BRCA1: variants seen among roughly 807,000 people sequenced by gnomAD.
BRCA1 encodes BRCA1 DNA repair associated.
In BRCA1, 140 loss-of-function variants were observed where a neutral mutation model predicts 173.7. That is an observed-to-expected ratio of 0.81 (90% CI 0.70 to 0.93). BRCA1 has a LOEUF of 0.93. Among genes scored for constraint, BRCA1 ranks in the 40% least tolerant of loss-of-function variants. BRCA1 has a pLI of 0.00. For synonymous variants in BRCA1, 662 were observed against 756.0 expected (o/e 0.88, Z 2.04); for missense variants, 1,983 against 2,172.5 (o/e 0.91, Z 1.73).
intron 11 of BRCA1, 49 bp downstream of exon 11, chr17:43,090,895 G>C (rs2154248998): frequency 6.7e-7 from 1 of 1,503,100 alleles, no homozygotes; most frequent in Non-Finnish European, 9.1e-7. Context: ...ACTACTGAAT[G>C]CAAAGGACAC....
At chr17:43,157,199 G>A (rs2056202732) in intron 1 of BRCA1, among the ~76,000 whole-genome samples, 1 of 152,144 alleles carries the variant, frequency 6.6e-6, no homozygotes, top group Non-Finnish European at 1.5e-5. Flanking sequence ...CCAGCAGAAG[G>A]AATTTTAGGT....
chr17:43,115,806 A>G, intron 2 of BRCA1, 27 bp from the exon 3 acceptor site: 1 of 1,598,142 alleles, frequency 6.3e-7, no homozygotes, highest in Non-Finnish European at 8.6e-7. Flanking sequence ...GGAGAAAAAG[A>G]AAATAAATGA....
At chr17:43,062,092 C>T (rs1295550632) in intron 18 of BRCA1, among the ~76,000 whole-genome samples, 1 of 151,830 alleles carries the variant, frequency 6.6e-6, no homozygotes, top group African/African-American at 2.4e-5. Flanking sequence ...CATATGCACA[C>T]ACACACTTTT....
At position 43,074,503 on chromosome 17, in the gene BRCA1, G is replaced by A. The variant is rs747539984; in HGVS notation, c.4503C>T (p.Cys1501=). 1 of 1,613,878 alleles carries A rather than the reference G, an allele frequency of 6.2e-7. No individual in the cohort carries two copies. Among genetic ancestry groups the A allele is most frequent in the Non-Finnish European group, 8.5e-7 (1 of 1,179,796 alleles). ...PGVERSSPSK[C]PSLDDRWYMH... ...TGTACCACCTATCATCTAATGATGGGCATTTAGAAGGGGATGACCTAGAAA... is the reference window on the plus strand; with the variant it reads ...TGTACCACCTATCATCTAATGATGGACATTTAGAAGGGGATGACCTAGAAA... Residue 1501 remains cysteine (C), a synonymous_variant, in exon 14 of 23, where the codon TGC becomes TGT. Transcript: ENST00000357654.
intron 6 of BRCA1, among the ~76,000 whole-genome samples, chr17:43,100,547 TG>T (rs2154531648): frequency 1.3e-5 from 1 of 78,404 alleles, no homozygotes; most frequent in East Asian, 3.2e-4. Context: ...CATATATATG[TG>T]TGTGTGTGTG....
chr17:43,072,007 C>A (rs1233871468), intron 14 of BRCA1, among the ~76,000 whole-genome samples: 2 of 149,694 alleles, frequency 1.3e-5, no homozygotes, highest in African/African-American at 2.5e-5. Context: ...GACTCCGTCT[C>A]AAAAAAATAA....
rs80356988 is a variant in BRCA1, at chr17:43,074,331, C to T, written c.4675G>A (p.Glu1559Lys). Residue 1559 changes from glutamate to lysine, a missense_variant and splice_region_variant, in exon 14 of 23, where the codon GAG becomes AAG. Transcript: ENST00000357654. ...TCCAATACAGCAGATGAAATATTAC[C>T]TAGATCTTGCCTTGGCAAGTAAGAT... ...ETSYLPRQDL[E>K]GTPYLESGIS... 1.2e-6 allele frequency: 2 copies of T among 1,613,716 alleles called. No individual in the cohort carries two copies. Among genetic ancestry groups the T allele is most frequent in the Non-Finnish European group, 8.5e-7 (1 of 1,179,808 alleles).
intron 1 of BRCA1, among the ~76,000 whole-genome samples, chr17:43,135,608 G>A (rs994094898): frequency 6.6e-6 from 1 of 152,168 alleles, no homozygotes; most frequent in South Asian, 2.1e-4. Context: ...CGCGGTCTTC[G>A]GAGCCTTCAG....
intron 19 of BRCA1, among the ~76,000 whole-genome samples, chr17:43,051,332 G>A (rs868737653): frequency 3.0e-4 from 46 of 152,310 alleles, no homozygotes; most frequent in South Asian, 6.2e-4. Context: ...TCTTCTTGAA[G>A]TGCATATGTA....
intron 1 of BRCA1, among the ~76,000 whole-genome samples, chr17:43,157,649 C>T (rs2056205918): frequency 6.6e-6 from 1 of 151,226 alleles, no homozygotes; most frequent in Non-Finnish European, 1.5e-5. Context: ...TGAACCAAGA[C>T]GGCACCACTG....
intron 6 of BRCA1, among the ~76,000 whole-genome samples, chr17:43,102,861 C>T (rs1399759387): frequency 6.6e-6 from 1 of 151,998 alleles, no homozygotes; most frequent in Non-Finnish European, 1.5e-5. Flanking sequence ...TGCTATGTTG[C>T]CCAAACTGGT....
At chr17:43,051,145 CAG>C in intron 19 of BRCA1, 28 bp from the exon 20 acceptor site, 2 of 1,599,292 alleles carry the variant, frequency 1.3e-6, no homozygotes, top group Non-Finnish European at 1.7e-6. Flanking sequence ...GAGAGAGGGA[CAG>C]GGGAATGGAG....
chr17:43,142,033 C>T (rs1346918279), intron 1 of BRCA1, among the ~76,000 whole-genome samples: 6 of 152,030 alleles, frequency 3.9e-5, no homozygotes, highest in Admixed American at 3.9e-4. Flanking sequence ...CTGCTTCAGC[C>T]TCCTGAGTAA....
At chr17:43,138,621 C>T in intron 1 of BRCA1, 1 of 761,832 alleles carries the variant, frequency 1.3e-6, no homozygotes, top group Non-Finnish European at 2.4e-6. Flanking sequence ...AGAGTGGTGG[C>T]TGCTCATGAC....
At chr17:43,063,433 A>C in intron 17 of BRCA1, 60 bp from the exon 18 acceptor site, 1 of 1,406,870 alleles carries the variant, frequency 7.1e-7, no homozygotes, top group South Asian at 1.2e-5. Flanking sequence ...CTTTTCACGG[A>C]GATAGAGAGG....
At chr17:43,149,327 G>A (rs562224880) in intron 1 of BRCA1, among the ~76,000 whole-genome samples, 1 of 151,716 alleles carries the variant, frequency 6.6e-6, no homozygotes, top group Non-Finnish European at 1.5e-5. Flanking sequence ...ATGTTAGCGG[G>A]TGGACCTTGT....
At chr17:43,057,708 C>T (rs1448789396) in intron 18 of BRCA1, among the ~76,000 whole-genome samples, 2 of 150,932 alleles carry the variant, frequency 1.3e-5, no homozygotes, top group African/African-American at 2.4e-5. Flanking sequence ...TAGTGGCAGG[C>T]GCCTGTAGTC....
chr17:43,126,071 C>T (rs2055864214), upstream of BRCA1, among the ~76,000 whole-genome samples: 1 of 152,222 alleles, frequency 6.6e-6, no homozygotes, highest in South Asian at 2.1e-4. Flanking sequence ...AATTCCCATC[C>T]AGCCCCAGGA....
intron 6 of BRCA1, among the ~76,000 whole-genome samples, chr17:43,100,620 CATATATATATGTT>C (rs752097677): frequency 0.022 from 265 of 11,894 alleles, 9 homozygotes; most frequent in Non-Finnish European, 0.053. Flanking sequence ...ATATATATAA[CATATATATATGTT>C]ATATATATAT....
Sources: gnomAD v4.1 joint callset for allele counts (sites outside exome capture counted in the v4.1 genomes callset) on GRCh38, gnomAD v4.1.1 for gene constraint, MANE v1.5 for transcripts, NCBI Gene and HGNC (gene_info 2026-07-23, HGNC 2026-07-21) for gene names.